SORL1: variants seen among roughly 807,000 people sequenced by gnomAD.
The protein encoded by SORL1 is sortilin-related receptor.
SORL1 carries 127 observed loss-of-function variants against 273.7 expected under a neutral mutation model. The observed-to-expected ratio is 0.46, with a 90% confidence interval of 0.40 to 0.54. SORL1 has a LOEUF of 0.54. SORL1 is among the 20% of genes least tolerant of loss of function. SORL1 has a pLI of 0.00. For missense variants in SORL1, 2,494 were observed against 2,846.1 expected (o/e 0.88, Z 2.81); for synonymous variants, 1,031 against 1,067.4 (o/e 0.97, Z 0.66).
At chr11:121,616,432 C>T (rs954916368) in intron 41 of SORL1, among the ~76,000 whole-genome samples, 5 of 152,214 alleles carry the variant, frequency 3.3e-5, no homozygotes, top group Non-Finnish European at 5.9e-5. Context: ...TGTCACTGTG[C>T]ATGTGGGGAA....
At chr11:121,615,703 C>T (rs1417587674) in intron 41 of SORL1, among the ~76,000 whole-genome samples, 1 of 152,096 alleles carries the variant, frequency 6.6e-6, no homozygotes, top group Non-Finnish European at 1.5e-5. Flanking sequence ...CTTCAGCGTG[C>T]ATTTGTCACA....
chr11:121,471,575 G>A (rs902533297), intron 2 of SORL1, among the ~76,000 whole-genome samples: 8 of 152,156 alleles, frequency 5.3e-5, no homozygotes, highest in Non-Finnish European at 7.3e-5. Flanking sequence ...CATTCTGGCC[G>A]GGGGAACCTT....
At chr11:121,507,851 T>C (rs1414112881) in intron 6 of SORL1, among the ~76,000 whole-genome samples, 1 of 151,972 alleles carries the variant, frequency 6.6e-6, no homozygotes, top group Non-Finnish European at 1.5e-5. Context: ...TGTCCTGTGA[T>C]TTTTTTTGTT....
At chr11:121,468,592 T>C (rs1236330959) in intron 1 of SORL1, among the ~76,000 whole-genome samples, 3 of 152,170 alleles carry the variant, frequency 2.0e-5, no homozygotes, top group Non-Finnish European at 4.4e-5. Flanking sequence ...GGCTACTTTT[T>C]GTATTTTTAG....
chr11:121,577,002 C>A, intron 24 of SORL1: 1 of 1,422,522 alleles, frequency 7.0e-7, no homozygotes, highest in South Asian at 1.2e-5. Context: ...ATGTGGAGAG[C>A]ACTGGGATGA....
At chr11:121,496,495 C>G (rs2134822684) in intron 5 of SORL1, among the ~76,000 whole-genome samples, 1 of 152,292 alleles carries the variant, frequency 6.6e-6, no homozygotes, top group Admixed American at 6.5e-5. Flanking sequence ...TGGGAAAACT[C>G]TCCTTCATTC....
chr11:121,623,656 G>A (rs1205335292), intron 45 of SORL1, among the ~76,000 whole-genome samples: 3 of 152,218 alleles, frequency 2.0e-5, no homozygotes, highest in African/African-American at 7.2e-5. Flanking sequence ...AAAGAATGCG[G>A]GGATGAGATT....
chr11:121,625,489 G>T (rs896994313), intron 46 of SORL1, among the ~76,000 whole-genome samples: 2 of 152,150 alleles, frequency 1.3e-5, no homozygotes, highest in Admixed American at 6.5e-5. Context: ...ATTACAGGGG[G>T]ACCGGATTCT....
chr11:121,629,365 C>A, intron 47 of SORL1, 131 bp from the exon 48 acceptor site: 1 of 617,610 alleles, frequency 1.6e-6, no homozygotes, highest in Non-Finnish European at 3.0e-6. Context: ...ATTATGGTGG[C>A]TGCCTGGCTA....
At position 121,627,406 on chromosome 11, in the gene SORL1, G is replaced by T. The variant is rs1017948108; in HGVS notation, c.6365-149G>T. 1.5e-6 allele frequency: 1 copy of T among 662,620 alleles called. No homozygotes were observed. Among genetic ancestry groups the T allele is most frequent in the South Asian group, 1.8e-5 (1 of 56,396 alleles). The allele number at this position is 662,620 out of a possible 1,614,324, so 41.0% of individuals were successfully genotyped here. On this transcript the variant is annotated intron_variant, in intron 46 of 47. Coordinates refer to ENST00000260197, the MANE Select transcript of SORL1 (RefSeq NM_003105.6). The surrounding 1 kb of genome is among the most constrained non-coding windows in gnomAD (Gnocchi z 4.9). ...TAGTGGGGAAGCAATCAGGCATCACGCACATGCAGAAACGTCTCACACCAG... is the reference window on the plus strand; with the variant it reads ...TAGTGGGGAAGCAATCAGGCATCACTCACATGCAGAAACGTCTCACACCAG...
Position 121,605,396 on chromosome 11 carries a change from G to T in SORL1, c.4779-6G>T. The T allele has an allele frequency of 6.2e-7, 1 of 1,600,936 alleles. No homozygotes were observed. The highest frequency in any genetic ancestry group is 1.7e-5 in the Admixed American group (1 of 58,034). On this transcript the variant is annotated splice_polypyrimidine_tract_variant and splice_region_variant and intron_variant, in intron 34 of 47. Coordinates refer to ENST00000260197, the MANE Select transcript of SORL1 (RefSeq NM_003105.6). ...GTGACAATATCTTTATTTTTTTTTG[G>T]GCCAGGGTGGTTGGAGAGAGCATAT...
chr11:121,576,959 T>C, intron 24 of SORL1: 1 of 1,520,702 alleles, frequency 6.6e-7, no homozygotes, highest in South Asian at 1.2e-5. Context: ...TTCCTAACCT[T>C]CTTCCCATCA....
intron 42 of SORL1, 125 bp downstream of exon 42, chr11:121,619,018 C>A (rs1483611618): frequency 3.2e-6 from 3 of 923,636 alleles, no homozygotes; most frequent in East Asian, 2.5e-5. Context: ...CGAGAGGCAA[C>A]TTCCTCTTCT....
chr11:121,586,189 G>A (rs368577640), intron 26 of SORL1, 33 bp from the exon 27 acceptor site: 41 of 1,551,430 alleles, frequency 2.6e-5, no homozygotes, highest in Admixed American at 2.3e-4. Flanking sequence ...TTTCCTCCTC[G>A]TCATTCTTCT....
rs1030479940 is a variant in SORL1 at position 121,604,428 on chromosome 11, G to A, written c.4651+104G>A. The A allele has an allele frequency of 5.7e-6, 8 of 1,393,890 alleles. No individual in the cohort carries two copies. In the African/African-American group the frequency reaches 8.6e-5, roughly 15 times the overall value. The allele number at this position is 1,393,890 out of a possible 1,614,324, so 86.3% of individuals were successfully genotyped here. A position where few individuals can be genotyped will look rare whatever the true frequency, so the allele number is the denominator to read the frequency against. On this transcript the variant is annotated intron_variant, in intron 33 of 47. Coordinates refer to ENST00000260197, the MANE Select transcript of SORL1 (RefSeq NM_003105.6). ...CCTTGAGCTAGGACCCTTTTGAACT[G>A]TTGCTCAATCTAAGGATAAAACAGA...
intron 18 of SORL1, chr11:121,557,058 T>C: frequency 1.9e-6 from 1 of 525,198 alleles, no homozygotes. Flanking sequence ...GTCCAGATCA[T>C]CATGCCCTGG....
chr11:121,551,853 G>A (rs1248268344), intron 16 of SORL1, among the ~76,000 whole-genome samples: 1 of 152,198 alleles, frequency 6.6e-6, no homozygotes, highest in East Asian at 1.9e-4. Context: ...CACCACTTCA[G>A]CAAATTCCAA....
At chr11:121,579,973 A>G (rs1319767164) in intron 25 of SORL1, among the ~76,000 whole-genome samples, 1 of 152,228 alleles carries the variant, frequency 6.6e-6, no homozygotes, top group Non-Finnish European at 1.5e-5. Flanking sequence ...GTATTTTCAT[A>G]GAATTCTTCC....
intron 25 of SORL1, among the ~76,000 whole-genome samples, chr11:121,578,926 G>A (rs556840589): frequency 2.0e-5 from 3 of 152,200 alleles, no homozygotes; most frequent in Non-Finnish European, 4.4e-5. Flanking sequence ...AGGAGCTGCC[G>A]TTGGCACAGG....
Sources: gnomAD v4.1 joint callset for allele counts (sites outside exome capture counted in the v4.1 genomes callset) on GRCh38, gnomAD v4.1.1 for gene constraint, Gnocchi (gnomAD v3.1) non-coding constraint, MANE v1.5 for transcripts, NCBI Gene and HGNC (gene_info 2026-07-23, HGNC 2026-07-21) for gene names.